The following KCNT2 variants were observed in gnomAD, a reference collection of about 807,000 sequenced individuals.
KCNT2 encodes the protein potassium channel subfamily T member 2.
Under a neutral mutation model 153.8 loss-of-function variants are expected in KCNT2, and 67 were observed. That is an observed-to-expected ratio of 0.44 (90% CI 0.36 to 0.53). KCNT2 has a LOEUF of 0.53. Among genes scored for constraint, KCNT2 ranks in the 20% least tolerant of loss-of-function variants. KCNT2 has a pLI of 0.00. For synonymous variants in KCNT2, 500 were observed against 458.8 expected, an observed-to-expected ratio of 1.09 and a Z score of -1.15; for missense variants, 975 against 1,354.8, an observed-to-expected ratio of 0.72 and a Z score of 4.40.
chr1:196,406,438 A>G (rs1671834391), intron 12 of KCNT2, among the ~76,000 whole-genome samples: 1 of 151,438 alleles, frequency 6.6e-6, no homozygotes, highest in Non-Finnish European at 1.5e-5. Flanking sequence ...ATTCTCCACC[A>G]TTAAAATATG....
chr1:196,582,414 G>A (rs1412042781), intron 1 of KCNT2: 1 of 154,306 alleles, frequency 6.5e-6, no homozygotes, highest in African/African-American at 2.4e-5. Flanking sequence ...CGCAAAAAAT[G>A]CAATGTCTAA....
At chr1:196,321,156 T>C (rs1663275947) in intron 19 of KCNT2, among the ~76,000 whole-genome samples, 2 of 151,872 alleles carry the variant, frequency 1.3e-5, no homozygotes, top group Admixed American at 1.3e-4. Context: ...GGTAGAGATT[T>C]CTAGTTATAC....
rs1655974842 is a variant in KCNT2, at chr1:196,251,569, G to T, written c.3211+6625C>A. The stretch of plus-strand genomic sequence containing the variant: ...AAACATTAAGACAACTGGACTCATG[G>T]AGACAGAGAGTAAAATGATGGTTAC... On this transcript the variant is annotated intron_variant, in intron 26 of 27. Coordinates refer to ENST00000294725, the MANE Select transcript of KCNT2 (RefSeq NM_198503.5). Among the ~76,000 whole-genome samples, 2 of 151,988 alleles carry T rather than the reference G, an allele frequency of 1.3e-5. 1 individual carries two copies. The highest frequency in any genetic ancestry group is 2.9e-5 in the Non-Finnish European group (2 of 67,918).
chr1:196,270,824 T>C (rs1382640312), intron 25 of KCNT2, among the ~76,000 whole-genome samples: 1 of 148,352 alleles, frequency 6.7e-6, no homozygotes, highest in African/African-American at 2.6e-5. Flanking sequence ...GGTTTCAACA[T>C]GCAGGTGTGT....
chr1:196,278,626 A>G (rs1396286141), intron 25 of KCNT2, among the ~76,000 whole-genome samples: 1 of 152,200 alleles, frequency 6.6e-6, no homozygotes, highest in East Asian at 1.9e-4. Context: ...ACAGCACAAA[A>G]GAAGTATTTT....
At chr1:196,232,719 T>C (rs1241277512) in intron 27 of KCNT2, among the ~76,000 whole-genome samples, 1 of 151,578 alleles carries the variant, frequency 6.6e-6, no homozygotes, top group Non-Finnish European at 1.5e-5. Flanking sequence ...GACATACATA[T>C]TTTATTCATA....
At chr1:196,536,813 A>G (rs183900050) in intron 1 of KCNT2, among the ~76,000 whole-genome samples, 122 of 152,314 alleles carry the variant, frequency 8.0e-4, no homozygotes, top group Non-Finnish European at 1.3e-3. Context: ...CTGCTTTCCC[A>G]GTCCGAGGGA....
Position 196,465,275 on chromosome 1 carries a change from T to G in KCNT2, c.638+18A>C, listed in dbSNP as rs2148660514. On this transcript the variant is annotated intron_variant, in intron 8 of 27. Coordinates refer to ENST00000294725, the MANE Select transcript of KCNT2 (RefSeq NM_198503.5). ...ATTAAATGAAACATAACACAAATTCTGATATGTACAATCTTACCAGGTGAA... is the reference window on the plus strand; with the variant it reads ...ATTAAATGAAACATAACACAAATTCGGATATGTACAATCTTACCAGGTGAA... 8.0e-7 allele frequency: 1 copy of G among 1,255,456 alleles called. No individual in the cohort carries two copies. The highest frequency in any genetic ancestry group is 1.3e-5 in the South Asian group (1 of 77,718). 77.8% of individuals were successfully genotyped at this position (1,255,456 alleles called of 1,614,324 possible).
intron 13 of KCNT2, among the ~76,000 whole-genome samples, chr1:196,389,162 C>T (rs889630082): frequency 7.9e-5 from 12 of 151,640 alleles, no homozygotes; most frequent in African/African-American, 2.9e-4. Context: ...TGTTATATGA[C>T]TATTGTAACC....
At chr1:196,588,357 C>T (rs1415934458) in intron 1 of KCNT2, among the ~76,000 whole-genome samples, 1 of 151,826 alleles carries the variant, frequency 6.6e-6, no homozygotes, top group Non-Finnish European at 1.5e-5. Context: ...TGATGATTTA[C>T]TTAAAATAAT....
chr1:196,410,377 T>C (rs1041178926), intron 12 of KCNT2, among the ~76,000 whole-genome samples: 1 of 151,248 alleles, frequency 6.6e-6, no homozygotes, highest in Non-Finnish European at 1.5e-5. Context: ...TGAGAACACA[T>C]GGACACAGGA....
intron 26 of KCNT2, among the ~76,000 whole-genome samples, chr1:196,251,188 G>C (rs1273438720): frequency 1.3e-5 from 2 of 152,082 alleles, no homozygotes; most frequent in African/African-American, 4.8e-5. Flanking sequence ...CAATAGCCAA[G>C]ATTTGGAAGC....
intron 25 of KCNT2, among the ~76,000 whole-genome samples, chr1:196,279,042 C>T (rs2147860950): frequency 6.6e-6 from 1 of 152,280 alleles, no homozygotes; most frequent in African/African-American, 2.4e-5. Context: ...ACGTAATCAA[C>T]TGGTGCCCTG....
chr1:196,598,212 C>A (rs999432082), intron 1 of KCNT2, among the ~76,000 whole-genome samples: 1 of 152,078 alleles, frequency 6.6e-6, no homozygotes, highest in South Asian at 2.1e-4. Flanking sequence ...GATATATGCT[C>A]ATGATTCATT....
chr1:196,547,474 C>T (rs1173970378), intron 1 of KCNT2, among the ~76,000 whole-genome samples: 1 of 151,948 alleles, frequency 6.6e-6, no homozygotes, highest in African/African-American at 2.4e-5. Context: ...TTATAGATGA[C>T]TTGTAAAATC....
At chr1:196,443,655 T>C (rs536093115) in intron 8 of KCNT2, among the ~76,000 whole-genome samples, 1 of 151,600 alleles carries the variant, frequency 6.6e-6, no homozygotes, top group African/African-American at 2.4e-5. Context: ...TTTGAAAAGG[T>C]TCCCTAAAGC....
chr1:196,280,808 T>C (rs1248895497), intron 25 of KCNT2, 52 bp downstream of exon 25: 2 of 1,484,136 alleles, frequency 1.3e-6, no homozygotes, highest in Admixed American at 1.7e-5. Context: ...TTATGAATGA[T>C]TGCACTCATC....
intron 1 of KCNT2, among the ~76,000 whole-genome samples, chr1:196,508,189 C>CAAAAAAAAAAAAAAAAAAAA (rs10539910): frequency 1.8e-4 from 11 of 59,974 alleles, no homozygotes; most frequent in South Asian, 6.9e-4. Flanking sequence ...CCCTAAGTAG[C>CAAAAAAAAAAAAAAAAAAAA]AAAAAAAAAA....
chr1:196,336,459 T>C (rs147114630), intron 16 of KCNT2, among the ~76,000 whole-genome samples: 1 of 152,276 alleles, frequency 6.6e-6, no homozygotes, highest in Non-Finnish European at 1.5e-5. Context: ...TTAAATTAAG[T>C]TCCATGGCCT....
Sources: allele counts gnomAD v4.1 joint callset (sites outside exome capture counted in the v4.1 genomes callset), GRCh38; gene constraint gnomAD v4.1.1; transcripts MANE v1.5; gene names NCBI Gene and HGNC (gene_info 2026-07-23, HGNC 2026-07-21).